Variants in ACACA observed in about 807,000 individuals in gnomAD.
ACACA encodes the protein acetyl-CoA carboxylase alpha, also known as acetyl-CoA carboxylase 1.
A neutral mutation model predicts 296.1 loss-of-function variants in ACACA; 103 were observed. The ratio of observed to expected loss-of-function variants is 0.35; its 90% confidence interval spans 0.30 to 0.41. ACACA has a LOEUF of 0.41. Among genes scored for constraint, ACACA ranks in the 10% least tolerant of loss-of-function variants. The pLI, the probability that ACACA is intolerant of heterozygous loss-of-function variation, is 1.00. For missense variants in ACACA, 1,554 were observed against 2,989.7 expected, an observed-to-expected ratio of 0.52 and a Z score of 11.20; for synonymous variants, 953 against 1,038.6, an observed-to-expected ratio of 0.92 and a Z score of 1.58.
intron 45 of ACACA, among the ~76,000 whole-genome samples, chr17:37,143,168 C>G (rs2075665984): frequency 6.6e-6 from 1 of 150,784 alleles, no homozygotes; most frequent in Non-Finnish European, 1.5e-5. Context: ...AGAATTAAAC[C>G]TGGGCAGCCT....
Position 37,258,235 on chromosome 17 carries a change from T to C in ACACA, c.1639A>G (p.Ile547Val). 1 of 1,614,126 alleles carries C rather than the reference T, an allele frequency of 6.2e-7. No individual in the cohort carries two copies. Among genetic ancestry groups the C allele is most frequent in the Non-Finnish European group, 8.5e-7 (1 of 1,180,006 alleles). Residue 547 changes from isoleucine (I) to valine (V), a missense_variant, in exon 13 of 56, where the codon ATC becomes GTC. Coordinates refer to ENST00000616317, the MANE Select transcript of ACACA (RefSeq NM_198834.3). ...CPRGHVIAAR[I>V]TSENPDEGFK... ...ACCTCATCTGGATTTTCACTAGTGA[T>C]CCGAGCAGCAATAACATGGCCCCTT... is the stretch of plus-strand genomic sequence containing the variant.
chr17:37,159,280 C>A (rs2076372268), intron 42 of ACACA, among the ~76,000 whole-genome samples: 1 of 151,990 alleles, frequency 6.6e-6, no homozygotes, highest in Non-Finnish European at 1.5e-5. Flanking sequence ...AGTACAATGG[C>A]ACGATCCTGG....
intron 1 of ACACA, among the ~76,000 whole-genome samples, chr17:37,385,464 C>A (rs1208788967): frequency 6.6e-6 from 1 of 151,652 alleles, no homozygotes; most frequent in African/African-American, 2.4e-5. Flanking sequence ...CAGAGGGGGA[C>A]CCTGTCTTAA....
Position 37,154,657 on chromosome 17 carries a change from C to T in ACACA, c.5447+1026G>A, listed in dbSNP as rs534667826. ...GATTACAGGCATGTGCCACCAGGCC[C>T]GGCTAATTTGTATATTTTTAGTAGG... is the stretch of plus-strand genomic sequence containing the variant. On this transcript the variant is annotated intron_variant, in intron 43 of 55. Coordinates refer to ENST00000616317, the MANE Select transcript of ACACA (RefSeq NM_198834.3). 2.4e-4 allele frequency among the ~76,000 whole-genome samples: 36 copies of T among 152,068 alleles called. No homozygotes were observed. The South Asian group carries it at 4.4e-3, about 18-fold the overall frequency.
At chr17:37,340,933 C>T (rs2048350504) in intron 1 of ACACA, among the ~76,000 whole-genome samples, 1 of 152,148 alleles carries the variant, frequency 6.6e-6, no homozygotes, top group South Asian at 2.1e-4. Flanking sequence ...CAGTAGTGTG[C>T]ACCTACAGTC....
chr17:37,193,468 T>C (rs1567793526), intron 35 of ACACA, 53 bp from the exon 36 acceptor site: 1 of 1,370,546 alleles, frequency 7.3e-7, no homozygotes, highest in Non-Finnish European at 1.0e-6. Context: ...CATGGCTCTT[T>C]GAGAACAAAC....
At chr17:37,103,617 T>G (rs1049193691) in intron 52 of ACACA, among the ~76,000 whole-genome samples, 2 of 152,102 alleles carry the variant, frequency 1.3e-5, no homozygotes, top group Non-Finnish European at 2.9e-5. Flanking sequence ...CATCCTTTCC[T>G]ATCCAAAATA....
intron 42 of ACACA, among the ~76,000 whole-genome samples, chr17:37,157,908 C>A (rs2076315512): frequency 6.6e-6 from 1 of 151,976 alleles, no homozygotes; most frequent in African/African-American, 2.4e-5. Flanking sequence ...GGCAGGAAGA[C>A]CAATTAGGAG....
At chr17:37,153,917 A>G (rs963836829) in intron 43 of ACACA, among the ~76,000 whole-genome samples, 2 of 152,188 alleles carry the variant, frequency 1.3e-5, no homozygotes, top group Admixed American at 1.3e-4. Context: ...TTTTTGGGGA[A>G]AGTTAGTATT....
Position 37,193,413 on chromosome 17 carries a change from T to C in ACACA, c.4161A>G (p.Arg1387=). The C allele has an allele frequency of 6.2e-7, 1 of 1,600,534 alleles. No individual in the cohort carries two copies. The highest frequency in any genetic ancestry group is 1.1e-5 in the South Asian group (1 of 90,734). Residue 1387 remains arginine, a splice_region_variant and synonymous_variant, in exon 36 of 56, where the codon AGA becomes AGG. Transcript: ENST00000616317. ...VNYEVDRRFH[R]EFPKFFTFRA... ...GGAATGTAAAAAATTTAGGGAATTCTCTCTGTATTAAAGAAGGGGGAAAAA... is the reference window on the plus strand; with the variant it reads ...GGAATGTAAAAAATTTAGGGAATTCCCTCTGTATTAAAGAAGGGGGAAAAA...
chr17:37,190,183 C>A (rs1490508803), intron 38 of ACACA, among the ~76,000 whole-genome samples: 1 of 152,120 alleles, frequency 6.6e-6, no homozygotes, highest in Non-Finnish European at 1.5e-5. Flanking sequence ...AATCCCAGCA[C>A]TTTGGGAGGC....
At chr17:37,311,164 T>G (rs995903674) in intron 3 of ACACA, among the ~76,000 whole-genome samples, 16 of 152,090 alleles carry the variant, frequency 1.1e-4, no homozygotes, top group Non-Finnish European at 1.8e-4. Context: ...GCTTTAAGAA[T>G]GAATGGGAGA....
intron 54 of ACACA, among the ~76,000 whole-genome samples, chr17:37,091,133 G>A (rs189687920): frequency 2.0e-5 from 3 of 152,186 alleles, no homozygotes; most frequent in South Asian, 2.1e-4. Flanking sequence ...ATTAGCTAAC[G>A]AGATGCCTGC....
intron 1 of ACACA, among the ~76,000 whole-genome samples, chr17:37,397,640 TACA>T (rs1301429740): frequency 3.9e-5 from 6 of 152,186 alleles, no homozygotes; most frequent in Non-Finnish European, 7.3e-5. Flanking sequence ...TCTTCATTAT[TACA>T]ACACTTTTCT....
At chr17:37,234,081 C>G (rs1371481532) in intron 25 of ACACA, among the ~76,000 whole-genome samples, 1 of 151,894 alleles carries the variant, frequency 6.6e-6, no homozygotes, top group African/African-American at 2.4e-5. Flanking sequence ...ATGTTTTTTT[C>G]CTCCATGAAA....
At position 37,085,517 on chromosome 17, in the gene ACACA, TC is replaced by T. The variant is rs2072141132; in HGVS notation, c.*1798del. On this transcript the variant is annotated 3_prime_UTR_variant, in exon 56 of 56. Transcript: ENST00000616317. ...GAAGAATAATCTGGTCAAAAATGAA[TC>T]CAATTCTTACTAGGTAAGCAAATAG... 5.0e-6 allele frequency: 2 copies of T among 398,224 alleles called. No individual in the cohort carries two copies. The highest frequency in any genetic ancestry group is 8.8e-6 in the Non-Finnish European group (2 of 226,072). 24.7% of individuals were successfully genotyped at this position (398,224 alleles called of 1,614,324 possible).
At chr17:37,141,297 T>C in intron 45 of ACACA, 1 of 526,432 alleles carries the variant, frequency 1.9e-6, no homozygotes, top group South Asian at 1.5e-5. Flanking sequence ...TGGTCATCCA[T>C]TCCTTGCCCT....
intron 3 of ACACA, among the ~76,000 whole-genome samples, chr17:37,288,410 G>T (rs1205719041): frequency 6.6e-6 from 1 of 152,240 alleles, no homozygotes; most frequent in Admixed American, 6.5e-5. Flanking sequence ...ACACAAAAAA[G>T]TATATACCAT....
chr17:37,204,559 C>T (rs1229652781), intron 33 of ACACA, among the ~76,000 whole-genome samples: 1 of 152,070 alleles, frequency 6.6e-6, no homozygotes, highest in African/African-American at 2.4e-5. Flanking sequence ...ATTATTATTG[C>T]TAATAAATGT....
Sources: gnomAD v4.1 joint callset for allele counts (sites outside exome capture counted in the v4.1 genomes callset) on GRCh38, gnomAD v4.1.1 for gene constraint, MANE v1.5 for transcripts, NCBI Gene and HGNC (gene_info 2026-07-23, HGNC 2026-07-21) for gene names.